The following TRPC6 variants were observed in gnomAD, a reference collection of about 807,000 sequenced individuals.
TRPC6 encodes the protein transient receptor potential cation channel subfamily C member 6, also known as short transient receptor potential channel 6.
A neutral mutation model predicts 90.7 loss-of-function variants in TRPC6; 55 were observed. The ratio of observed to expected loss-of-function variants is 0.61; its 90% CI spans 0.49 to 0.76. The LOEUF (loss-of-function observed/expected upper bound fraction) is 0.76. Among genes scored for constraint, TRPC6 ranks in the 30% least tolerant of loss-of-function variants. TRPC6 has a pLI of 0.00. For missense variants in TRPC6, 989 were observed against 1,122.7 expected (o/e 0.88, Z 1.70); for synonymous variants, 393 against 393.0 (o/e 1.00, Z 0.00).
At chr11:101,509,715 G>A (rs1052404367) in intron 1 of TRPC6, among the ~76,000 whole-genome samples, 2 of 151,856 alleles carry the variant, frequency 1.3e-5, no homozygotes, top group East Asian at 3.9e-4. Flanking sequence ...TATTTCCGTA[G>A]AATTTTTTTT....
chr11:101,564,054 G>C (rs1480346525), intron 1 of TRPC6, among the ~76,000 whole-genome samples: 2 of 149,514 alleles, frequency 1.3e-5, no homozygotes, highest in Non-Finnish European at 3.0e-5. Flanking sequence ...TCCAATGTGA[G>C]ACATCAGTTC....
intron 1 of TRPC6, among the ~76,000 whole-genome samples, chr11:101,509,136 C>CTTTTTTT (rs1393768669): frequency 2.1e-5 from 1 of 47,806 alleles, no homozygotes; most frequent in Non-Finnish European, 4.6e-5. Flanking sequence ...TTGTCTTTTT[C>CTTTTTTT]TTTTTTTTTT....
At chr11:101,512,530 G>A (rs1860417014) in intron 1 of TRPC6, among the ~76,000 whole-genome samples, 4 of 152,070 alleles carry the variant, frequency 2.6e-5, no homozygotes, top group African/African-American at 9.7e-5. Context: ...TTCCCTTTTA[G>A]TTTCTCCTTG....
intron 1 of TRPC6, among the ~76,000 whole-genome samples, chr11:101,548,262 C>CAT (rs10633400): frequency 0.33 from 32,583 of 97,966 alleles, 4,594 homozygotes; most frequent in African/African-American, 0.43. Flanking sequence ...TATATATATA[C>CAT]ATATATATAT....
intron 1 of TRPC6, among the ~76,000 whole-genome samples, chr11:101,553,358 T>C (rs1229550453): frequency 6.6e-6 from 1 of 152,094 alleles, no homozygotes; most frequent in African/African-American, 2.4e-5. Flanking sequence ...CTGACTAGGC[T>C]TTGTAACCCT....
chr11:101,459,480 T>A (rs1431387236), intron 10 of TRPC6, among the ~76,000 whole-genome samples: 1 of 152,164 alleles, frequency 6.6e-6, no homozygotes, highest in African/African-American at 2.4e-5. Flanking sequence ...ACAGGTTTAG[T>A]ATTTCTAAAA....
At chr11:101,517,263 G>A (rs1860543831) in intron 1 of TRPC6, among the ~76,000 whole-genome samples, 1 of 152,174 alleles carries the variant, frequency 6.6e-6, no homozygotes, top group African/African-American at 2.4e-5. Context: ...ACACCATAAA[G>A]CAAATCTAGT....
intron 2 of TRPC6, among the ~76,000 whole-genome samples, chr11:101,503,554 G>A (rs1860180791): frequency 6.6e-6 from 1 of 152,106 alleles, no homozygotes; most frequent in Non-Finnish European, 1.5e-5. Flanking sequence ...CTAGTCAACT[G>A]TGACTTCCTT....
chr11:101,500,229 G>C (rs1860084145), intron 2 of TRPC6, among the ~76,000 whole-genome samples: 1 of 101,202 alleles, frequency 9.9e-6, no homozygotes. Context: ...TTTTTTTTGA[G>C]ACGGAGTCTT....
At chr11:101,549,871 T>C (rs1565239500) in intron 1 of TRPC6, among the ~76,000 whole-genome samples, 1 of 151,496 alleles carries the variant, frequency 6.6e-6, no homozygotes, top group African/African-American at 2.4e-5. Context: ...AAATATTTAG[T>C]CAATGAATAG....
At chr11:101,511,148 C>T (rs1860385369) in intron 1 of TRPC6, among the ~76,000 whole-genome samples, 1 of 152,144 alleles carries the variant, frequency 6.6e-6, no homozygotes, top group South Asian at 2.1e-4. Context: ...TAGAGATTAA[C>T]ATTATACACA....
At chr11:101,516,715 G>C (rs1340706589) in intron 1 of TRPC6, among the ~76,000 whole-genome samples, 2 of 152,226 alleles carry the variant, frequency 1.3e-5, no homozygotes, top group Non-Finnish European at 1.5e-5. Flanking sequence ...GTTTGCAAGA[G>C]CCCCTGTAGG....
At chr11:101,460,347 G>C (rs1203696185) in intron 10 of TRPC6, among the ~76,000 whole-genome samples, 2 of 152,074 alleles carry the variant, frequency 1.3e-5, no homozygotes, top group Non-Finnish European at 1.5e-5. Context: ...CTTACTCATA[G>C]CCACTGGTAT....
rs191196887 is a variant in TRPC6, at chr11:101,523,421, A to C, written c.171-18623T>G. On this transcript the variant is annotated intron_variant, in intron 1 of 12. Transcript: ENST00000344327. ...TGTGAAGTTTTACTTCTCCTTTCTT[A>C]GTCTATATCATTTCTAAGATATATG... 7.0e-3 allele frequency among the ~76,000 whole-genome samples: 1,071 copies of C among 152,334 alleles called. 2 individuals are homozygous for C. Among genetic ancestry groups the C allele is most frequent in the Non-Finnish European group, 0.012 (794 of 68,022 alleles).
At chr11:101,529,913 C>T (rs1052960989) in intron 1 of TRPC6, among the ~76,000 whole-genome samples, 2 of 152,166 alleles carry the variant, frequency 1.3e-5, no homozygotes, top group African/African-American at 4.8e-5. Context: ...ATGGAGTAAG[C>T]CATTGATCAA....
At position 101,463,161 on chromosome 11, in the gene TRPC6, G is replaced by A. The variant is rs528197211; in HGVS notation, c.2484+6266C>T. On this transcript the variant is annotated intron_variant, in intron 10 of 12. Transcript: ENST00000344327. ...GCCTTGCATCCCAGGGATGAAGCCG[G>A]CTTGATCATGGTGGATAAGCTTTTT... Among the ~76,000 whole-genome samples the A allele has an allele frequency of 2.4e-3, 369 of 152,198 alleles. 4 individuals are homozygous for A. The highest frequency in any genetic ancestry group is 8.3e-3 in the African/African-American group (346 of 41,532).
intron 6 of TRPC6, among the ~76,000 whole-genome samples, chr11:101,475,674 C>T (rs1049522064): frequency 5.1e-5 from 7 of 138,598 alleles, no homozygotes; most frequent in Non-Finnish European, 1.0e-4. Flanking sequence ...TTACCTTCTA[C>T]TTCTTTGAGT....
At chr11:101,511,719 C>T (rs771736113) in intron 1 of TRPC6, among the ~76,000 whole-genome samples, 5 of 152,042 alleles carry the variant, frequency 3.3e-5, no homozygotes, top group East Asian at 1.9e-4. Flanking sequence ...GGGCCAGGTG[C>T]GGTGGCTCAC....
At position 101,548,280 on chromosome 11, in the gene TRPC6, A is replaced by ATATATATAATT. The variant is rs71303295; in HGVS notation, c.170+35053_170+35054insAATTATATATA. Among the ~76,000 whole-genome samples, 596 of 135,424 alleles carry ATATATATAATT rather than the reference A, an allele frequency of 4.4e-3. 10 individuals carry two copies. The highest frequency in any genetic ancestry group is 0.023 in the Middle Eastern group (6 of 266). 88.8% of individuals were successfully genotyped at this position (135,424 alleles called of 152,430 possible). On this transcript the variant is annotated intron_variant, in intron 1 of 12. Coordinates refer to ENST00000344327, the MANE Select transcript of TRPC6 (RefSeq NM_004621.6). ...ATATATACATATATATATAATTTATATATATAATTATATATAATTGAAATA... is the reference window on the plus strand; with the variant it reads ...ATATATACATATATATATAATTTATATATATATAATTTATATAATTATATATAATTGAAATA...
Sources: allele counts gnomAD v4.1 joint callset (sites outside exome capture counted in the v4.1 genomes callset), GRCh38; gene constraint gnomAD v4.1.1; transcripts MANE v1.5; gene names NCBI Gene and HGNC (gene_info 2026-07-23, HGNC 2026-07-21).